Variants in ANO1 observed in about 807,000 individuals in gnomAD.
The protein encoded by ANO1 is anoctamin-1.
ANO1 carries 59 observed loss-of-function variants against 124.0 expected under a neutral mutation model. That is an observed-to-expected ratio of 0.48 (90% CI 0.39 to 0.59). The LOEUF is 0.59. Among genes scored for constraint, ANO1 ranks in the 20% least tolerant of loss-of-function variants. The probability of loss-of-function intolerance (pLI) is 0.00; values close to 1 mark genes in which losing one functional copy is unlikely to be tolerated. For missense variants in ANO1, 1,059 were observed against 1,328.0 expected (o/e 0.80, Z 3.15); for synonymous variants, 529 against 532.0 (o/e 0.99, Z 0.08).
chr11:70,117,029 A>T (rs1320562532), intron 8 of ANO1, among the ~76,000 whole-genome samples: 1 of 150,462 alleles, frequency 6.6e-6, no homozygotes, highest in Non-Finnish European at 1.5e-5. Context: ...GAAGTTGTTG[A>T]GCTAGTGTTC....
intron 1 of ANO1, among the ~76,000 whole-genome samples, chr11:70,017,526 T>C (rs75834718): frequency 3.2e-5 from 4 of 123,746 alleles, no homozygotes; most frequent in East Asian, 2.2e-4. Flanking sequence ...TTCCTTCCTT[T>C]CTTTCTTTCT....
intron 1 of ANO1, among the ~76,000 whole-genome samples, chr11:70,069,532 AG>A (rs1857816275): frequency 6.6e-6 from 1 of 152,138 alleles, no homozygotes. Context: ...ATGAGCTTAA[AG>A]GGGGAGGAGG....
At chr11:70,116,604 C>A in intron 8 of ANO1, 105 bp downstream of exon 8, 1 of 1,132,472 alleles carries the variant, frequency 8.8e-7, no homozygotes, top group Non-Finnish European at 1.3e-6. Context: ...CCTCCAGGGC[C>A]TCCCCAGGGC....
In ANO1 at chr11:70,153,852, G is replaced by A. The variant is rs112642678; in HGVS notation, c.1425+724G>A. ...ATGATCTCGGCTCACTGCAACCCCC[G>A]CCTCCCGGGTTCAAGCAATTCTCAT... On this transcript the variant is annotated intron_variant, in intron 14 of 25. Transcript: ENST00000355303. 7.4e-3 allele frequency among the ~76,000 whole-genome samples: 1,131 copies of A among 152,048 alleles called. 22 individuals carry two copies. The highest frequency in any genetic ancestry group is 0.026 in the African/African-American group (1,087 of 41,470).
In ANO1 at chr11:70,182,700, C is replaced by CCTG; in HGVS notation, c.2588+14_2588+15insCTG. 1 of 1,511,014 alleles carries CCTG rather than the reference C, an allele frequency of 6.6e-7. No individual in the cohort carries two copies. Among genetic ancestry groups the CCTG allele is most frequent in the Non-Finnish European group, 8.9e-7 (1 of 1,128,824 alleles). 93.6% of individuals were successfully genotyped at this position (1,511,014 alleles called of 1,614,324 possible). On this transcript the variant is annotated intron_variant, in intron 24 of 25. Coordinates refer to ENST00000355303, the MANE Select transcript of ANO1 (RefSeq NM_018043.7). ...GCAGATCTGCAGGTACTGCTCTCTGCTCCCCTCTTTGAAAAGCCACGTTTA... is the reference window on the plus strand; with the variant it reads ...GCAGATCTGCAGGTACTGCTCTCTGCCTGTCCCCTCTTTGAAAAGCCACGTTTA...
At chr11:70,008,977 C>T (rs1856543389) in intron 1 of ANO1, among the ~76,000 whole-genome samples, 1 of 152,240 alleles carries the variant, frequency 6.6e-6, no homozygotes, top group South Asian at 2.1e-4. Context: ...GTGGGATGAG[C>T]GTGGCCCAGC....
At chr11:69,977,641 G>T in the ANO1 span, among the ~76,000 whole-genome samples, 2 of 152,352 alleles carry the variant, frequency 1.3e-5, no homozygotes, top group Admixed American at 1.3e-4. Flanking sequence ...TCCTAAGGGG[G>T]ACAGTGCCCA....
Position 69,993,914 on chromosome 11 carries a change from G to A in ANO1, c.58+7748G>A, listed in dbSNP as rs565520447. On this transcript the variant is annotated intron_variant, in intron 1 of 27. Transcript: ENST00000531349. ...GGGGCCTGGGCACATATAGCCCCTCGGCCTGTAGCTCCATCTCTCCCTCTG... is the reference window on the plus strand; with the variant it reads ...GGGGCCTGGGCACATATAGCCCCTCAGCCTGTAGCTCCATCTCTCCCTCTG... Among the ~76,000 whole-genome samples the A allele has an allele frequency of 3.5e-4, 54 of 152,178 alleles. 1 individual carries two copies. In the Middle Eastern group the frequency reaches 0.017, roughly 48 times the overall value.
chr11:70,026,875 C>T (rs1555003294), intron 1 of ANO1, among the ~76,000 whole-genome samples: 5 of 152,216 alleles, frequency 3.3e-5, no homozygotes, highest in Admixed American at 6.5e-5. Flanking sequence ...ACCACCCACA[C>T]TGGCCACCTT....
chr11:70,112,219 CTT>C (rs2045812664), intron 7 of ANO1, among the ~76,000 whole-genome samples: 1 of 152,196 alleles, frequency 6.6e-6, no homozygotes, highest in African/African-American at 2.4e-5. Flanking sequence ...CAGTGGCTGA[CTT>C]GGGGTGGAGA....
At chr11:70,073,185 G>T (rs1390969579) in intron 1 of ANO1, among the ~76,000 whole-genome samples, 1 of 152,186 alleles carries the variant, frequency 6.6e-6, no homozygotes, top group Non-Finnish European at 1.5e-5. Flanking sequence ...GGCAGAGTGG[G>T]CAGGTGCTGT....
At chr11:70,061,871 T>C (rs1253391198) in intron 1 of ANO1, among the ~76,000 whole-genome samples, 1 of 152,104 alleles carries the variant, frequency 6.6e-6, no homozygotes, top group Non-Finnish European at 1.5e-5. Flanking sequence ...GGAGGGTCTC[T>C]ACCTCTGTTG....
intron 1 of ANO1, among the ~76,000 whole-genome samples, chr11:70,046,892 G>T (rs1022625257): frequency 6.6e-6 from 1 of 151,910 alleles, no homozygotes; most frequent in African/African-American, 2.4e-5. Context: ...TGGCCAACAC[G>T]GTGAAACCCT....
chr11:70,111,559 C>G (rs2045780497), intron 6 of ANO1, 148 bp from the exon 7 acceptor site: 1 of 715,396 alleles, frequency 1.4e-6, no homozygotes, highest in South Asian at 1.7e-5. Flanking sequence ...GGAAGAAACC[C>G]CAGAGGTGGC....
chr11:69,987,486 G>A (rs1039012452), intron 1 of ANO1, among the ~76,000 whole-genome samples: 1 of 152,086 alleles, frequency 6.6e-6, no homozygotes, highest in African/African-American at 2.4e-5. Context: ...AGATTAGAAC[G>A]GAGGCCTGTT....
At chr11:70,086,251 A>G (rs2044376637) in intron 1 of ANO1, among the ~76,000 whole-genome samples, 1 of 151,970 alleles carries the variant, frequency 6.6e-6, no homozygotes, top group Non-Finnish European at 1.5e-5. Context: ...ATTTTTTCTT[A>G]TTTCGGAAAC....
chr11:70,100,872 C>T (rs979606578), intron 2 of ANO1, among the ~76,000 whole-genome samples: 5 of 152,184 alleles, frequency 3.3e-5, no homozygotes, highest in African/African-American at 9.7e-5. Context: ...TTCGTTCATT[C>T]CATAAATATG....
chr11:70,126,234 G>A (rs1435655120), intron 10 of ANO1, 39 bp downstream of exon 10: 1 of 1,585,748 alleles, frequency 6.3e-7, no homozygotes, highest in South Asian at 1.1e-5. Flanking sequence ...GCAGTACACA[G>A]AGGAGCCCTC....
intron 1 of ANO1, among the ~76,000 whole-genome samples, chr11:70,043,094 T>C (rs1448618685): frequency 1.3e-5 from 2 of 151,912 alleles, no homozygotes; most frequent in African/African-American, 2.4e-5. Flanking sequence ...TGATTAAAAG[T>C]GTGCTGCATC....
Sources: allele counts gnomAD v4.1 joint callset (sites outside exome capture counted in the v4.1 genomes callset), GRCh38; gene constraint gnomAD v4.1.1; transcripts MANE v1.5; gene names NCBI Gene and HGNC (gene_info 2026-07-23, HGNC 2026-07-21).